STRN3: variants seen among roughly 807,000 people sequenced by gnomAD.
STRN3 encodes the protein striatin 3.
STRN3 carries 29 observed loss-of-function variants against 95.6 expected under a neutral mutation model. The ratio of observed to expected loss-of-function variants is 0.30; its 90% CI spans 0.23 to 0.41. The LOEUF is 0.41. Among genes scored for constraint, STRN3 ranks in the 10% least tolerant of loss-of-function variants. STRN3 has a pLI of 1.00. For missense variants in STRN3, 890 were observed against 972.1 expected (o/e 0.92, Z 1.12); for synonymous variants, 331 against 357.6 (o/e 0.93, Z 0.84).
At chr14:30,927,358 CTTT>C (rs959029492) in intron 8 of STRN3, among the ~76,000 whole-genome samples, 1 of 151,504 alleles carries the variant, frequency 6.6e-6, no homozygotes, top group Non-Finnish European at 1.5e-5. Flanking sequence ...CTTAAACATA[CTTT>C]TTTTAATTAA....
intron 2 of STRN3, 104 bp downstream of exon 2, chr14:30,956,035 G>T: frequency 1.1e-6 from 1 of 883,732 alleles, no homozygotes. Context: ...ATTCGGGCAA[G>T]GATTTGTACC....
chr14:31,015,451 C>A (rs537885075), intron 1 of STRN3, among the ~76,000 whole-genome samples: 1 of 151,922 alleles, frequency 6.6e-6, no homozygotes, highest in South Asian at 2.1e-4. Flanking sequence ...AGGCTCACTG[C>A]AACCTCTGCC....
At chr14:30,993,596 A>G (rs1427771238) in intron 1 of STRN3, among the ~76,000 whole-genome samples, 1 of 152,140 alleles carries the variant, frequency 6.6e-6, no homozygotes, top group Non-Finnish European at 1.5e-5. Context: ...ATTTATTATT[A>G]TTATAATTTA....
intron 1 of STRN3, among the ~76,000 whole-genome samples, chr14:30,960,891 TAGAA>T (rs1487255200): frequency 1.5e-4 from 15 of 100,544 alleles, no homozygotes; most frequent in African/African-American, 2.3e-4. Context: ...AAAAAAAAAA[TAGAA>T]AGAAAAGAAA....
chr14:31,025,490 C>A, intron 1 of STRN3: 1 of 207,320 alleles, frequency 4.8e-6, no homozygotes, highest in South Asian at 6.3e-5. Context: ...AGATGCCTAT[C>A]CTAGTCCCTC....
intron 5 of STRN3, among the ~76,000 whole-genome samples, chr14:30,937,923 G>A (rs1303977046): frequency 6.6e-6 from 1 of 152,052 alleles, no homozygotes; most frequent in East Asian, 1.9e-4. Context: ...TTTCCATGAG[G>A]CAGTGGTTCT....
At position 30,932,275 on chromosome 14, in the gene STRN3, G is replaced by GA. The variant is rs983574699; in HGVS notation, c.988+2887dup. 1,290 of 146,924 alleles carry GA rather than the reference G, an allele frequency of 8.8e-3. 24 individuals are homozygous for GA. The highest frequency in any genetic ancestry group is 0.03 in the African/African-American group (1,209 of 40,170). The allele number at this position is 146,924 out of a possible 1,614,324, so 9.1% of individuals were successfully genotyped here. ...GAGTGAGACTCCGTCTCAAAAAAAA[G>GA]AAAAAAAAAATCTGAAAGCTACCAC... is the stretch of plus-strand genomic sequence containing the variant. On this transcript the variant is annotated intron_variant, in intron 7 of 17. Coordinates refer to ENST00000357479, the MANE Select transcript of STRN3 (RefSeq NM_001083893.2).
At chr14:30,951,084 T>G (rs552243963) in intron 3 of STRN3, 140 bp from the exon 4 acceptor site, 1 of 678,044 alleles carries the variant, frequency 1.5e-6, no homozygotes, top group Non-Finnish European at 2.5e-6. Context: ...CATCTAAGTA[T>G]TAACTGTGGG....
At chr14:30,944,458 C>T (rs1303355292) in intron 5 of STRN3, among the ~76,000 whole-genome samples, 1 of 149,388 alleles carries the variant, frequency 6.7e-6, no homozygotes, top group Non-Finnish European at 1.5e-5. Context: ...CACATACACA[C>T]ATATGTATAT....
At chr14:30,911,887 T>C in intron 11 of STRN3, 63 bp from the exon 12 acceptor site, 1 of 1,563,794 alleles carries the variant, frequency 6.4e-7, no homozygotes, top group Non-Finnish European at 8.7e-7. Flanking sequence ...AATCACTGGT[T>C]GATATTAAAT....
intron 8 of STRN3, among the ~76,000 whole-genome samples, chr14:30,926,861 T>C (rs1878204498): frequency 6.6e-6 from 1 of 152,122 alleles, no homozygotes; most frequent in South Asian, 2.1e-4. Flanking sequence ...TCCACTTTCA[T>C]CCATTTCATA....
In STRN3 at chr14:30,999,614, T is replaced by C. The variant is rs1882355142; in HGVS notation, c.282+26290A>G. 2.6e-5 allele frequency among the ~76,000 whole-genome samples: 4 copies of C among 152,230 alleles called. No individual in the cohort carries two copies. The South Asian group carries it at 8.3e-4, about 32-fold the overall frequency. Reference sequence around the variant, plus strand: ...AACTTGAAGATAGGTCAACTGAGATTAGCCAGTCTGAGAACCAGAAAGAAC... The same window carrying C: ...AACTTGAAGATAGGTCAACTGAGATCAGCCAGTCTGAGAACCAGAAAGAAC... On this transcript the variant is annotated intron_variant, in intron 1 of 17. Coordinates refer to ENST00000357479, the MANE Select transcript of STRN3 (RefSeq NM_001083893.2).
chr14:30,955,660 T>C lies in STRN3; in HGVS notation c.420A>G (p.Glu140=). Residue 140 remains glutamate, a synonymous_variant, in exon 3 of 18, where the codon GAA becomes GAG. Coordinates refer to ENST00000357479, the MANE Select transcript of STRN3 (RefSeq NM_001083893.2). ...GCATTTTCAAGTCACCTTGGTTCAG[T>C]TCCGTGCCATATTTTAATTTGTGAT... is the stretch of plus-strand genomic sequence containing the variant. ...AKYHKLKYGT[E]LNQGDLKMPT... The C allele has an allele frequency of 6.3e-7, 1 of 1,584,932 alleles. No individual in the cohort carries two copies. Among genetic ancestry groups the C allele is most frequent in the Non-Finnish European group, 8.5e-7 (1 of 1,171,042 alleles).
At chr14:31,015,745 G>A (rs1311670972) in intron 1 of STRN3, among the ~76,000 whole-genome samples, 1 of 152,148 alleles carries the variant, frequency 6.6e-6, no homozygotes, top group Non-Finnish European at 1.5e-5. Context: ...GCCAGGCCTT[G>A]GAAAGCAGCT....
At chr14:30,942,999 C>A (rs566981654) in intron 5 of STRN3, among the ~76,000 whole-genome samples, 3 of 152,324 alleles carry the variant, frequency 2.0e-5, no homozygotes, top group African/African-American at 7.2e-5. Flanking sequence ...CAAATCCAGT[C>A]TGTCTTCAGA....
At chr14:31,009,918 C>T (rs1882891288) in intron 1 of STRN3, among the ~76,000 whole-genome samples, 1 of 151,908 alleles carries the variant, frequency 6.6e-6, no homozygotes, top group Non-Finnish European at 1.5e-5. Context: ...GGGCAACATA[C>T]TGAGACACCA....
intron 1 of STRN3, among the ~76,000 whole-genome samples, chr14:30,977,744 G>A (rs1881176863): frequency 7.7e-6 from 1 of 129,550 alleles, no homozygotes; most frequent in Admixed American, 9.4e-5. Flanking sequence ...AGTGAGCAGA[G>A]ATTCACACCA....
chr14:30,921,127 C>A (rs924370648), intron 8 of STRN3, among the ~76,000 whole-genome samples: 3 of 150,650 alleles, frequency 2.0e-5, no homozygotes, highest in African/African-American at 7.3e-5. Flanking sequence ...TTCTAACATG[C>A]ACCTCAGCCT....
intron 5 of STRN3, among the ~76,000 whole-genome samples, chr14:30,941,059 C>G (rs892990240): frequency 6.6e-6 from 1 of 152,158 alleles, no homozygotes; most frequent in Non-Finnish European, 1.5e-5. Flanking sequence ...CATGCGAAAA[C>G]CCAGTGGGAA....
Sources: gnomAD v4.1 joint callset for allele counts (sites outside exome capture counted in the v4.1 genomes callset) on GRCh38, gnomAD v4.1.1 for gene constraint, MANE v1.5 for transcripts, NCBI Gene and HGNC (gene_info 2026-07-23, HGNC 2026-07-21) for gene names.